NCKAP5: variants seen among roughly 807,000 people sequenced by gnomAD.
NCKAP5 encodes NCK associated protein 5.
NCKAP5 carries 92 observed loss-of-function variants against 167.0 expected under a neutral mutation model. The ratio of observed to expected loss-of-function variants is 0.55; its 90% confidence interval spans 0.47 to 0.66. NCKAP5 has a LOEUF of 0.66. NCKAP5 is among the 30% of genes least tolerant of loss of function. NCKAP5 has a pLI of 0.00. For missense variants in NCKAP5, 2,378 were observed against 2,315.0 expected, an observed-to-expected ratio of 1.03 and a Z score of -0.56; for synonymous variants, 891 against 877.4, an observed-to-expected ratio of 1.02 and a Z score of -0.27.
At chr2:133,564,088 C>T (rs1354873241) in intron 1 of NCKAP5, among the ~76,000 whole-genome samples, 1 of 151,880 alleles carries the variant, frequency 6.6e-6, no homozygotes, top group African/African-American at 2.4e-5. Flanking sequence ...GAGTGGAGAT[C>T]GTGCCATTGC....
At chr2:133,181,120 A>T (rs976461398) in intron 5 of NCKAP5, among the ~76,000 whole-genome samples, 6 of 151,242 alleles carry the variant, frequency 4.0e-5, no homozygotes, top group Non-Finnish European at 8.9e-5. Context: ...ATATTTCACA[A>T]CTGAAGCAAA....
intron 3 of NCKAP5, among the ~76,000 whole-genome samples, chr2:133,322,297 A>G (rs1181805536): frequency 1.3e-5 from 2 of 152,098 alleles, no homozygotes; most frequent in Admixed American, 6.5e-5. Flanking sequence ...GATGCAAGAA[A>G]GTTCTATGCA....
intron 6 of NCKAP5, among the ~76,000 whole-genome samples, chr2:132,995,177 AAT>A (rs2077558026): frequency 2.0e-5 from 3 of 152,130 alleles, no homozygotes; most frequent in African/African-American, 7.2e-5. Context: ...ATCTATAAAA[AAT>A]ATTTTTCTTT....
chr2:133,653,879 G>A, the NCKAP5 span, among the ~76,000 whole-genome samples: 3 of 152,176 alleles, frequency 2.0e-5, no homozygotes, highest in African/African-American at 7.2e-5. Context: ...AAATTCAGAA[G>A]ATCAGGTAGT....
At chr2:132,733,899 A>G (rs1405400171) in intron 16 of NCKAP5, among the ~76,000 whole-genome samples, 1 of 152,128 alleles carries the variant, frequency 6.6e-6, no homozygotes, top group African/African-American at 2.4e-5. Context: ...TGAAGTCCCT[A>G]CTCAAGAGGC....
At chr2:133,075,328 G>A (rs1053340490) in intron 6 of NCKAP5, among the ~76,000 whole-genome samples, 3 of 152,056 alleles carry the variant, frequency 2.0e-5, no homozygotes, top group Non-Finnish European at 2.9e-5. Context: ...GTAAGTTGGC[G>A]GCATGCCTGT....
At position 132,869,962 on chromosome 2, in the gene NCKAP5, G is replaced by T. The variant is rs190998041; in HGVS notation, c.649-988C>A. On this transcript the variant is annotated intron_variant, in intron 9 of 19. Coordinates refer to ENST00000409261, the MANE Select transcript of NCKAP5 (RefSeq NM_207363.3). ...ATATAATTCTTAGTAATTTTTTCAGGGATCTCATTTTCTTCAAGTATCAGG... is the reference window on the plus strand; with the variant it reads ...ATATAATTCTTAGTAATTTTTTCAGTGATCTCATTTTCTTCAAGTATCAGG... Among the ~76,000 whole-genome samples the T allele has an allele frequency of 8.5e-4, 130 of 152,180 alleles. 1 individual carries two copies. The highest frequency in any genetic ancestry group is 3.0e-3 in the African/African-American group (124 of 41,524).
chr2:133,481,941 T>C lies in NCKAP5; in HGVS notation c.69+35517A>G, dbSNP rs145517640. Among the ~76,000 whole-genome samples the C allele has an allele frequency of 3.7e-4, 56 of 152,326 alleles. No individual in the cohort carries two copies. The South Asian group carries it at 5.4e-3, about 15-fold the overall frequency. Reference sequence around the variant, plus strand: ...TTGAATTATACCTTCAATCTTACTATATATTTGTACACTTTAACCCACTTC... The same window carrying C: ...TTGAATTATACCTTCAATCTTACTACATATTTGTACACTTTAACCCACTTC... On this transcript the variant is annotated intron_variant, in intron 3 of 19. Transcript: ENST00000409261.
chr2:133,161,456 T>C (rs927432251), intron 5 of NCKAP5, among the ~76,000 whole-genome samples: 2 of 152,194 alleles, frequency 1.3e-5, no homozygotes, highest in African/African-American at 4.8e-5. Flanking sequence ...CTTTGTCCCA[T>C]AGAAATACAC....
intron 3 of NCKAP5, among the ~76,000 whole-genome samples, chr2:133,516,058 A>G (rs1683960499): frequency 6.6e-6 from 1 of 152,226 alleles, no homozygotes; most frequent in Non-Finnish European, 1.5e-5. Context: ...TACCGATGAT[A>G]TTTCTGGGTT....
In NCKAP5 at chr2:132,782,920, G is replaced by C; in HGVS notation, c.3891C>G (p.Val1297=). 6.2e-7 allele frequency: 1 copy of C among 1,614,022 alleles called. No homozygotes were observed. Among genetic ancestry groups the C allele is most frequent in the South Asian group, 1.1e-5 (1 of 91,072 alleles). ...STPPIEGSGK[V]RTQIITNTAE... ...CGGTATTGGTAATGATCTGAGTGCG[G>C]ACTTTGCCTGACCCTTCGATGGGGG... The change falls in exon 14 of 20, where the codon GTC becomes GTG. Residue 1297 remains valine (V), a synonymous_variant. Transcript: ENST00000409261.
chr2:133,473,449 C>A (rs1175765326), intron 3 of NCKAP5, among the ~76,000 whole-genome samples: 1 of 152,128 alleles, frequency 6.6e-6, no homozygotes, highest in Non-Finnish European at 1.5e-5. Flanking sequence ...TGGGTATTAT[C>A]CCCCAGAGTT....
intron 8 of NCKAP5, among the ~76,000 whole-genome samples, chr2:132,956,757 A>G (rs1369025439): frequency 1.3e-5 from 2 of 152,192 alleles, no homozygotes; most frequent in Non-Finnish European, 2.9e-5. Flanking sequence ...ATAGCTGACC[A>G]TGCCTTGCCA....
At chr2:133,434,511 C>T (rs1342293758) in intron 3 of NCKAP5, among the ~76,000 whole-genome samples, 1 of 152,174 alleles carries the variant, frequency 6.6e-6, no homozygotes, top group Admixed American at 6.5e-5. Context: ...AACCATTAAA[C>T]TCTATATTCC....
chr2:133,144,926 C>T (rs951360583), intron 5 of NCKAP5, among the ~76,000 whole-genome samples: 4 of 152,010 alleles, frequency 2.6e-5, no homozygotes, highest in Non-Finnish European at 5.9e-5. Flanking sequence ...CTACATTTTA[C>T]GTCAAACTAA....
At chr2:133,620,483 G>C in the NCKAP5 span, among the ~76,000 whole-genome samples, 1 of 152,168 alleles carries the variant, frequency 6.6e-6, no homozygotes, top group Admixed American at 6.6e-5. Context: ...TTTTATATCA[G>C]ATCAAACAAA....
chr2:132,797,568 T>TA (rs925892933), intron 11 of NCKAP5, among the ~76,000 whole-genome samples: 1 of 151,688 alleles, frequency 6.6e-6, no homozygotes, highest in Non-Finnish European at 1.5e-5. Context: ...CTCCAGATGC[T>TA]AAAAAAAAAT....
At chr2:133,234,111 A>G (rs1392162208) in intron 4 of NCKAP5, among the ~76,000 whole-genome samples, 6 of 152,166 alleles carry the variant, frequency 3.9e-5, no homozygotes, top group Non-Finnish European at 7.3e-5. Flanking sequence ...GAGCTTAAGG[A>G]GTTCATTTTG....
chr2:133,180,351 T>C (rs1020513490), intron 5 of NCKAP5, among the ~76,000 whole-genome samples: 1 of 152,116 alleles, frequency 6.6e-6, no homozygotes, highest in African/African-American at 2.4e-5. Context: ...CTTTCTTTCT[T>C]TGAAACAGGG....
Sources: gnomAD v4.1 joint callset for allele counts (sites outside exome capture counted in the v4.1 genomes callset) on GRCh38, gnomAD v4.1.1 for gene constraint, MANE v1.5 for transcripts, NCBI Gene and HGNC (gene_info 2026-07-23, HGNC 2026-07-21) for gene names.